The following ASB3 variants were observed in gnomAD, a reference collection of about 807,000 sequenced individuals.
ASB3 encodes the protein ankyrin repeat and SOCS box containing 3, also known as ankyrin repeat and SOCS box protein 3.
In ASB3, 41 loss-of-function variants were observed where a neutral mutation model predicts 54.5. That is an observed-to-expected ratio of 0.75 (90% CI 0.59 to 0.98). The LOEUF (loss-of-function observed/expected upper bound fraction) is 0.98. Ranked by LOEUF, ASB3 falls within the 50% of genes least tolerant of loss-of-function variation. The pLI, the probability that ASB3 is intolerant of heterozygous loss-of-function variation, is 0.00. For missense variants in ASB3, 733 were observed against 620.0 expected, an observed-to-expected ratio of 1.18 and a Z score of -1.94; for synonymous variants, 266 against 221.2, an observed-to-expected ratio of 1.20 and a Z score of -1.80.
At chr2:53,680,940 C>G (rs1390344022) in intron 9 of ASB3, among the ~76,000 whole-genome samples, 1 of 152,070 alleles carries the variant, frequency 6.6e-6, no homozygotes, top group Non-Finnish European at 1.5e-5. Context: ...TGAATTCAAC[C>G]ACTTTAATTT....
At chr2:53,677,197 T>C (rs1022455185) in intron 9 of ASB3, among the ~76,000 whole-genome samples, 1 of 152,342 alleles carries the variant, frequency 6.6e-6, no homozygotes, top group Non-Finnish European at 1.5e-5. Context: ...CAATAGGCTA[T>C]ACTATGTAGC....
chr2:53,700,096 C>A (rs1474939143), intron 8 of ASB3, among the ~76,000 whole-genome samples, 175 bp downstream of exon 8: 1 of 152,148 alleles, frequency 6.6e-6, no homozygotes, highest in Non-Finnish European at 1.5e-5. Context: ...TTTCCCAGGA[C>A]TCTGTGCTTA....
At chr2:53,761,336 C>T (rs926533010) in intron 2 of ASB3, among the ~76,000 whole-genome samples, 2 of 152,138 alleles carry the variant, frequency 1.3e-5, no homozygotes, top group African/African-American at 4.8e-5. Context: ...AGGATATAAA[C>T]TCAGGCATTC....
chr2:53,700,769 C>G (rs1300383588), intron 7 of ASB3, among the ~76,000 whole-genome samples: 1 of 151,992 alleles, frequency 6.6e-6, no homozygotes, highest in Non-Finnish European at 1.5e-5. Flanking sequence ...TTAAAACATT[C>G]ATCTTAAATG....
intron 9 of ASB3, among the ~76,000 whole-genome samples, chr2:53,691,390 G>T (rs1215690835): frequency 6.6e-6 from 1 of 152,086 alleles, no homozygotes; most frequent in Non-Finnish European, 1.5e-5. Flanking sequence ...TAGGAAGCTA[G>T]GAATTATCTA....
At chr2:53,720,639 G>T (rs1490985532) in intron 5 of ASB3, among the ~76,000 whole-genome samples, 1 of 152,172 alleles carries the variant, frequency 6.6e-6, no homozygotes, top group African/African-American at 2.4e-5. Flanking sequence ...AATGTTGGGA[G>T]ATGTCAAATC....
At chr2:53,723,904 C>T (rs981619707) in intron 5 of ASB3, among the ~76,000 whole-genome samples, 1 of 152,010 alleles carries the variant, frequency 6.6e-6, no homozygotes, top group Non-Finnish European at 1.5e-5. Context: ...AAACTGGAAC[C>T]CTATCTTTCA....
At chr2:53,763,348 G>C (rs1194198996) in intron 2 of ASB3, 2 of 161,856 alleles carry the variant, frequency 1.2e-5, no homozygotes, top group Non-Finnish European at 2.9e-5. Context: ...AACAGAGCAA[G>C]ACTCTGTCTC....
chr2:53,712,588 T>A (rs1372114600), intron 7 of ASB3, among the ~76,000 whole-genome samples: 1 of 152,136 alleles, frequency 6.6e-6, no homozygotes, highest in African/African-American at 2.4e-5. Flanking sequence ...AATTTTAAGG[T>A]GTTTCAGAGT....
At chr2:53,699,567 T>C (rs1186614754) in intron 8 of ASB3, among the ~76,000 whole-genome samples, 1 of 152,236 alleles carries the variant, frequency 6.6e-6, no homozygotes, top group African/African-American at 2.4e-5. Context: ...CTAGATATTT[T>C]ATTGAAATTC....
chr2:53,691,710 G>A (rs1366649345), intron 9 of ASB3, among the ~76,000 whole-genome samples: 1 of 152,112 alleles, frequency 6.6e-6, no homozygotes, highest in African/African-American at 2.4e-5. Flanking sequence ...AGTAAAGGGT[G>A]CCCCCAAGAG....
chr2:53,685,465 A>C (rs1668585761), intron 9 of ASB3, among the ~76,000 whole-genome samples: 1 of 152,246 alleles, frequency 6.6e-6, no homozygotes. Flanking sequence ...TTCCCCCACC[A>C]GAGAAAATAA....
At chr2:53,697,023 G>A (rs1322512014) in intron 8 of ASB3, among the ~76,000 whole-genome samples, 5 of 152,140 alleles carry the variant, frequency 3.3e-5, no homozygotes, top group African/African-American at 4.8e-5. Flanking sequence ...CAGGAGGTCC[G>A]CACAAGATAC....
chr2:53,672,866 G>A (rs1035136850), intron 9 of ASB3, among the ~76,000 whole-genome samples: 4 of 152,224 alleles, frequency 2.6e-5, no homozygotes, highest in East Asian at 3.9e-4. Flanking sequence ...TTTCTGTTCT[G>A]TGCTTATCTT....
chr2:53,679,028 T>A (rs1668229720), intron 9 of ASB3, among the ~76,000 whole-genome samples: 1 of 152,020 alleles, frequency 6.6e-6, no homozygotes, highest in South Asian at 2.1e-4. Context: ...AGGTCCCAAC[T>A]CCTCCCCTAT....
intron 1 of ASB3, chr2:53,768,143 T>G: frequency 8.7e-7 from 1 of 1,143,492 alleles, no homozygotes; most frequent in Non-Finnish European, 1.2e-6. Flanking sequence ...AGCACATGGC[T>G]TGGGGTAACA....
At chr2:53,763,792 TA>T (rs1020244718) in intron 2 of ASB3, among the ~76,000 whole-genome samples, 1 of 152,234 alleles carries the variant, frequency 6.6e-6, no homozygotes, top group African/African-American at 2.4e-5. Flanking sequence ...TCTTTGTTAC[TA>T]AAAATAGTTT....
intron 3 of ASB3, among the ~76,000 whole-genome samples, chr2:53,747,914 G>A (rs544220415): frequency 1.7e-4 from 26 of 152,138 alleles, no homozygotes; most frequent in Non-Finnish European, 2.9e-4. Context: ...ATAGTGTTTC[G>A]CAAATGTATG....
intron 3 of ASB3, among the ~76,000 whole-genome samples, chr2:53,730,454 A>T (rs1331042752): frequency 6.6e-6 from 1 of 152,194 alleles, no homozygotes; most frequent in Non-Finnish European, 1.5e-5. Context: ...GTAAGAAAGA[A>T]GATTTAAGTT....
Sources: gnomAD v4.1 joint callset for allele counts (sites outside exome capture counted in the v4.1 genomes callset) on GRCh38, gnomAD v4.1.1 for gene constraint, MANE v1.5 for transcripts, NCBI Gene and HGNC (gene_info 2026-07-23, HGNC 2026-07-21) for gene names.